The following KCNQ1 variants were observed in gnomAD, a reference collection of about 807,000 sequenced individuals.
The protein encoded by KCNQ1 is potassium voltage-gated channel subfamily KQT member 1.
A neutral mutation model predicts 72.4 loss-of-function variants in KCNQ1; 49 were observed. The ratio of observed to expected loss-of-function variants is 0.68; its 90% confidence interval spans 0.54 to 0.86. The LOEUF is 0.86. KCNQ1 is among the 40% of genes least tolerant of loss of function. The pLI is 0.00. For missense variants in KCNQ1, 790 were observed against 945.1 expected, an observed-to-expected ratio of 0.84 and a Z score of 2.15; for synonymous variants, 450 against 412.6, an observed-to-expected ratio of 1.09 and a Z score of -1.10.
rs1850298400 is a variant in KCNQ1, at chr11:2,676,555, G to A, written c.1514+14474G>A. 2 of 398,548 alleles carry A rather than the reference G, an allele frequency of 5.0e-6. No individual in the cohort carries two copies. The highest frequency in any genetic ancestry group is 1.3e-4 in the South Asian group (1 of 7,868). 24.7% of individuals were successfully genotyped at this position (398,548 alleles called of 1,614,324 possible). A position where few individuals can be genotyped will look rare whatever the true frequency, so the allele number is the denominator to read the frequency against. ...AGGTAGTGGTACAGGAAAGGTCTAA[G>A]AAGGCTAAGGACCATCATACTGGGT... On this transcript the variant is annotated intron_variant, in intron 11 of 15. Coordinates refer to ENST00000155840, the MANE Select transcript of KCNQ1 (RefSeq NM_000218.3). This position sits in a 1 kb window ranked among gnomAD's most constrained non-coding sequence, Gnocchi z 4.2.
At chr11:2,454,406 C>T (rs1444177280) in intron 1 of KCNQ1, among the ~76,000 whole-genome samples, 1 of 152,032 alleles carries the variant, frequency 6.6e-6, no homozygotes, top group South Asian at 2.1e-4. Context: ...TGAAATGAAA[C>T]AAATGAGCCT....
chr11:2,709,094 C>T (rs570802014), intron 11 of KCNQ1, among the ~76,000 whole-genome samples: 7 of 152,246 alleles, frequency 4.6e-5, no homozygotes, highest in Admixed American at 2.6e-4. Flanking sequence ...CCATCACTGG[C>T]GAGCGGCTGA....
chr11:2,660,242 G>A (rs1160225874), intron 10 of KCNQ1: 1 of 397,694 alleles, frequency 2.5e-6, no homozygotes, highest in African/African-American at 2.1e-5. Context: ...TTTTCTAATT[G>A]TTGATCATCT....
At chr11:2,819,374 G>A (rs1184441432) in intron 15 of KCNQ1, among the ~76,000 whole-genome samples, 1 of 152,286 alleles carries the variant, frequency 6.6e-6, no homozygotes, top group East Asian at 1.9e-4. Context: ...TGGGGATTTG[G>A]GAATGGGAGA....
At chr11:2,777,870 C>G in intron 14 of KCNQ1, 106 bp from the exon 15 acceptor site, 1 of 923,882 alleles carries the variant, frequency 1.1e-6, no homozygotes, top group Non-Finnish European at 1.8e-6. Flanking sequence ...GGCATTTTGA[C>G]TCTCAGCTAC....
Position 2,507,034 on chromosome 11 carries a change from G to T in KCNQ1, c.387-20894G>T, listed in dbSNP as rs1403846671. ...TTTGACTTTGCTTATGGTGCTTTTTGCTATGAGAAATTTCGCATGTTTATA... is the reference window on the plus strand; with the variant it reads ...TTTGACTTTGCTTATGGTGCTTTTTTCTATGAGAAATTTCGCATGTTTATA... On this transcript the variant is annotated intron_variant, in intron 1 of 15. Transcript: ENST00000155840. The surrounding 1 kb of genome is among the most constrained non-coding windows in gnomAD (Gnocchi z 5.4). Among the ~76,000 whole-genome samples, 1 of 152,096 alleles carries T rather than the reference G, an allele frequency of 6.6e-6. No individual in the cohort carries two copies. The highest frequency in any genetic ancestry group is 1.9e-4 in the East Asian group (1 of 5,196).
chr11:2,500,637 A>G (rs1482296318), intron 1 of KCNQ1, among the ~76,000 whole-genome samples: 1 of 152,220 alleles, frequency 6.6e-6, no homozygotes, highest in Non-Finnish European at 1.5e-5. Context: ...ATGCCCATCA[A>G]TGATAGGCTG....
rs945080491 is a variant in KCNQ1 at position 2,550,727 on chromosome 11, G to T, written c.478-19901G>T. On this transcript the variant is annotated intron_variant, in intron 2 of 15. Transcript: ENST00000155840. The surrounding 1 kb of genome is among the most constrained non-coding windows in gnomAD (Gnocchi z 6.0). ...GCTTCTGGAAGGAGCCTCACAGGAA[G>T]GGCAGGGCAGCACCAGGCTCAGCCC... 1.3e-5 allele frequency among the ~76,000 whole-genome samples: 2 copies of T among 152,158 alleles called. No individual in the cohort carries two copies. The highest frequency in any genetic ancestry group is 1.3e-4 in the Admixed American group (2 of 15,284).
At chr11:2,699,790 C>T (rs449357) in intron 11 of KCNQ1, 1 of 396,610 alleles carries the variant, frequency 2.5e-6, no homozygotes, top group Non-Finnish European at 4.4e-6. Context: ...AGAACCGCGC[C>T]GAGGGGCGCG....
rs185493149 is a variant in KCNQ1, at chr11:2,515,270, G to A, written c.387-12658G>A. Among the ~76,000 whole-genome samples, 4 of 152,238 alleles carry A rather than the reference G, an allele frequency of 2.6e-5. No individual in the cohort carries two copies. In the East Asian group the frequency reaches 5.8e-4, roughly 22 times the overall value. ...CTAGCTTCCACTCATGAGTGAGAAC[G>A]TGCCGTGTTTGGTTTTCTGTTTCCG... is the stretch of plus-strand genomic sequence containing the variant. On this transcript the variant is annotated intron_variant, in intron 1 of 15. Coordinates refer to ENST00000155840, the MANE Select transcript of KCNQ1 (RefSeq NM_000218.3). The surrounding 1 kb of genome is among the most constrained non-coding windows in gnomAD (Gnocchi z 4.7).
intron 11 of KCNQ1, among the ~76,000 whole-genome samples, chr11:2,701,881 C>T (rs892518487): frequency 9.2e-5 from 14 of 152,248 alleles, no homozygotes; most frequent in Non-Finnish European, 1.5e-4. Context: ...CTCATTTCCC[C>T]GCCTGTAGGA....
Position 2,690,411 on chromosome 11 carries a change from C to T in KCNQ1, c.1514+28330C>T, listed in dbSNP as rs1006126974. 1.5e-5 allele frequency: 6 copies of T among 398,542 alleles called. No homozygotes were observed. The highest frequency in any genetic ancestry group is 1.8e-5 in the Non-Finnish European group (4 of 226,126). The allele number at this position is 398,542 out of a possible 1,614,324, so 24.7% of individuals were successfully genotyped here. Reference sequence around the variant, plus strand: ...ACCAAAAGAGCTATCTCTCTCCCTGCGAAAGGCTGGGGTCCTGGGAGCTAG... The same window carrying T: ...ACCAAAAGAGCTATCTCTCTCCCTGTGAAAGGCTGGGGTCCTGGGAGCTAG... On this transcript the variant is annotated intron_variant, in intron 11 of 15. Transcript: ENST00000155840. This position sits in a 1 kb window ranked among gnomAD's most constrained non-coding sequence, Gnocchi z 5.1.
intron 1 of KCNQ1, among the ~76,000 whole-genome samples, chr11:2,470,609 A>G (rs890662348): frequency 4.0e-5 from 6 of 151,188 alleles, no homozygotes; most frequent in Admixed American, 3.9e-4. Flanking sequence ...GGGTGTGATG[A>G]TACGTATCCA....
At position 2,572,993 on chromosome 11, in the gene KCNQ1, C is replaced by T. The variant is rs370506451; in HGVS notation, c.921+7C>T. ...TGCGCTGTGGTGGGGGGTGGTAAGT[C>T]GGAAACTTCCAGGCATGGGGACAGG... is the stretch of plus-strand genomic sequence containing the variant. On this transcript the variant is annotated splice_region_variant and intron_variant, in intron 6 of 15. Transcript: ENST00000155840. The T allele has an allele frequency of 2.5e-5, 40 of 1,611,928 alleles. No homozygotes were observed. Among genetic ancestry groups the T allele is most frequent in the African/African-American group, 9.3e-5 (7 of 74,900 alleles).
intron 10 of KCNQ1, chr11:2,614,701 T>G (rs910949591): frequency 2.5e-6 from 1 of 398,400 alleles, no homozygotes; most frequent in Non-Finnish European, 4.4e-6. Flanking sequence ...AGTGTTTATT[T>G]CTACATTCTC....
rs1026410819 is a variant in KCNQ1, at chr11:2,446,188, C to T, written c.386+704C>T. On this transcript the variant is annotated intron_variant, in intron 1 of 15. Transcript: ENST00000155840. This position sits in a 1 kb window ranked among gnomAD's most constrained non-coding sequence, Gnocchi z 8.8. ...CCTGTTACCAGGTGGTTCCAATTCC[C>T]GGTACAGCGTGCCTGAGCAGGGCTG... 1.1e-4 allele frequency among the ~76,000 whole-genome samples: 17 copies of T among 152,186 alleles called. No individual in the cohort carries two copies. Among genetic ancestry groups the T allele is most frequent in the African/African-American group, 4.1e-4 (17 of 41,452 alleles).
intron 10 of KCNQ1, chr11:2,644,992 C>G: frequency 2.5e-6 from 1 of 398,630 alleles, no homozygotes; most frequent in Non-Finnish European, 4.4e-6. Context: ...TATGCTGGTA[C>G]CAGTGTTAGC....
Position 2,785,779 on chromosome 11 carries a change from G to C in KCNQ1, c.1794+7742G>C, listed in dbSNP as rs936780653. ...TCTCATTCTACTTTTCTCTCTACTG[G>C]TTTTGAAGTTATGTATTCTACTACC... On this transcript the variant is annotated intron_variant, in intron 15 of 15. Transcript: ENST00000155840. The surrounding 1 kb of genome is among the most constrained non-coding windows in gnomAD (Gnocchi z 4.4). Among the ~76,000 whole-genome samples, 8 of 151,566 alleles carry C rather than the reference G, an allele frequency of 5.3e-5. No homozygotes were observed. The highest frequency in any genetic ancestry group is 1.0e-4 in the Non-Finnish European group (7 of 67,812).
Position 2,621,281 on chromosome 11 carries a change from T to C in KCNQ1, c.1393+32427T>C. On this transcript the variant is annotated intron_variant, in intron 10 of 15. Transcript: ENST00000155840. The surrounding 1 kb of genome is among the most constrained non-coding windows in gnomAD (Gnocchi z 5.7). ...GCATGAGCCACCGTGCCTGGCCTCA[T>C]TATTTGCATTTCTGATTATTAGTGA... 1 of 398,534 alleles carries C rather than the reference T, an allele frequency of 2.5e-6. No homozygotes were observed. The allele number at this position is 398,534 out of a possible 1,614,324, so 24.7% of individuals were successfully genotyped here. A position where few individuals can be genotyped will look rare whatever the true frequency, so the allele number is the denominator to read the frequency against.
Sources: allele counts gnomAD v4.1 joint callset (sites outside exome capture counted in the v4.1 genomes callset), GRCh38; gene constraint gnomAD v4.1.1; non-coding constraint Gnocchi (gnomAD v3.1); transcripts MANE v1.5; gene names NCBI Gene and HGNC (gene_info 2026-07-23, HGNC 2026-07-21).